Variants in FGD4 observed in about 807,000 individuals in gnomAD.
FGD4 encodes FYVE, RhoGEF and PH domain-containing protein 4.
In FGD4, 42 loss-of-function variants were observed where a neutral mutation model predicts 102.0. The observed-to-expected ratio is 0.41, with a 90% CI of 0.32 to 0.53. The LOEUF is 0.53. Among genes scored for constraint, FGD4 ranks in the 20% least tolerant of loss-of-function variants. FGD4 has a pLI of 0.21. For missense variants in FGD4, 902 were observed against 1,078.2 expected (o/e 0.84, Z 2.29); for synonymous variants, 380 against 375.7 (o/e 1.01, Z -0.13).
intron 1 of FGD4, among the ~76,000 whole-genome samples, chr12:32,541,392 G>A (rs1031415508): frequency 3.9e-5 from 6 of 152,170 alleles, no homozygotes; most frequent in Non-Finnish European, 7.3e-5. Context: ...TTTTGAGACA[G>A]AGTCTCACTC....
At chr12:32,530,676 A>T (rs554636599) in intron 1 of FGD4, among the ~76,000 whole-genome samples, 1 of 152,170 alleles carries the variant, frequency 6.6e-6, no homozygotes, top group African/African-American at 2.4e-5. Context: ...TTCAAGACTG[A>T]TATCTATGAC....
chr12:32,462,422 A>G (rs1943130158), intron 1 of FGD4, among the ~76,000 whole-genome samples: 1 of 152,096 alleles, frequency 6.6e-6, no homozygotes, highest in South Asian at 2.1e-4. Context: ...CAGCCTCCCA[A>G]AGTGCTGGGA....
chr12:32,580,960 T>G (rs556618981), intron 3 of FGD4, among the ~76,000 whole-genome samples: 1 of 152,140 alleles, frequency 6.6e-6, no homozygotes, highest in East Asian at 1.9e-4. Flanking sequence ...AGTTTCATTC[T>G]CCTATTAAGA....
At chr12:32,473,259 C>G (rs1322856763) in intron 1 of FGD4, among the ~76,000 whole-genome samples, 1 of 151,912 alleles carries the variant, frequency 6.6e-6, no homozygotes, top group African/African-American at 2.4e-5. Flanking sequence ...CTCGTGTCCC[C>G]TTCCACACTG....
At chr12:32,599,693 A>G (rs1244843853) in intron 5 of FGD4, among the ~76,000 whole-genome samples, 1 of 149,886 alleles carries the variant, frequency 6.7e-6, no homozygotes, top group African/African-American at 2.5e-5. Context: ...AATTACAGGC[A>G]TGCACCACCC....
chr12:32,447,259 A>G (rs951463089), intron 1 of FGD4, among the ~76,000 whole-genome samples: 1 of 152,194 alleles, frequency 6.6e-6, no homozygotes, highest in Non-Finnish European at 1.5e-5. Flanking sequence ...GGCTGAAAAT[A>G]AAACCCTTGC....
intron 1 of FGD4, among the ~76,000 whole-genome samples, chr12:32,535,672 G>T (rs1230866062): frequency 6.6e-6 from 1 of 151,902 alleles, no homozygotes; most frequent in East Asian, 1.9e-4. Context: ...CAAAAGGGAA[G>T]TGTTTTCTCA....
chr12:32,423,862 T>G (rs1213144261), intron 1 of FGD4, among the ~76,000 whole-genome samples: 1 of 96,008 alleles, frequency 1.0e-5, no homozygotes, highest in Non-Finnish European at 2.7e-5. Flanking sequence ...GGTGGGAGTG[T>G]TTTTTTTTTT....
intron 1 of FGD4, among the ~76,000 whole-genome samples, chr12:32,453,947 G>T (rs1008155283): frequency 6.6e-6 from 1 of 151,986 alleles, no homozygotes; most frequent in Admixed American, 6.6e-5. Flanking sequence ...TTCTCATCAA[G>T]AATAATTCCA....
rs140227421 is a variant in FGD4 at position 32,585,222 on chromosome 12, T to TTATATATA, written c.1011+2783_1011+2790dup. 2.9e-3 allele frequency among the ~76,000 whole-genome samples: 339 copies of TTATATATA among 116,086 alleles called. 1 individual carries two copies. The highest frequency in any genetic ancestry group is 9.4e-3 in the East Asian group (36 of 3,828). 76.2% of individuals were successfully genotyped at this position (116,086 alleles called of 152,430 possible). On this transcript the variant is annotated intron_variant, in intron 4 of 16. Coordinates refer to ENST00000534526, the MANE Select transcript of FGD4 (RefSeq NM_001370298.3). The stretch of plus-strand genomic sequence containing the variant: ...AGAGTGAGACCCTGTCTCAAAAATT[T>TTATATATA]TATATATATATATATATATATATAT...
chr12:32,480,659 G>C (rs543114080), intron 1 of FGD4, among the ~76,000 whole-genome samples: 93 of 150,128 alleles, frequency 6.2e-4, no homozygotes, highest in East Asian at 5.4e-3. Context: ...CACCACCATG[G>C]CCAGCTAATT....
intron 4 of FGD4, among the ~76,000 whole-genome samples, chr12:32,585,210 G>A (rs1946906930): frequency 8.2e-6 from 1 of 122,302 alleles, no homozygotes; most frequent in Non-Finnish European, 1.7e-5. Flanking sequence ...GTGAGACCCT[G>A]TCTCAAAAAT....
At chr12:32,449,366 C>A (rs1942707484) in intron 1 of FGD4, among the ~76,000 whole-genome samples, 1 of 152,230 alleles carries the variant, frequency 6.6e-6, no homozygotes, top group South Asian at 2.1e-4. Flanking sequence ...TTCAGGATTA[C>A]CCATTGCTTT....
At chr12:32,527,132 C>T (rs1047770640) in intron 1 of FGD4, among the ~76,000 whole-genome samples, 1 of 152,112 alleles carries the variant, frequency 6.6e-6, no homozygotes, top group Non-Finnish European at 1.5e-5. Context: ...ATCTGGTAGT[C>T]TATCCAAAAG....
At chr12:32,438,616 G>GTTTT (rs539998283) in intron 1 of FGD4, among the ~76,000 whole-genome samples, 57 of 146,558 alleles carry the variant, frequency 3.9e-4, no homozygotes, top group African/African-American at 1.4e-3. Flanking sequence ...GTTTGTGTGT[G>GTTTT]TTTTTTTTTT....
intron 8 of FGD4, 141 bp downstream of exon 8, chr12:32,608,236 T>A (rs1466003355): frequency 4.2e-6 from 5 of 1,185,258 alleles, no homozygotes; most frequent in Non-Finnish European, 4.8e-6. Flanking sequence ...GAAATTGTTA[T>A]CATCACTTCA....
intron 6 of FGD4, 86 bp downstream of exon 6, chr12:32,601,509 C>A: frequency 6.9e-7 from 1 of 1,459,070 alleles, no homozygotes. Flanking sequence ...ATGCCACACA[C>A]AACTGTAACT....
At chr12:32,635,484 A>G (rs867559409) in intron 15 of FGD4, among the ~76,000 whole-genome samples, 4 of 152,234 alleles carry the variant, frequency 2.6e-5, no homozygotes, top group Admixed American at 6.5e-5. Flanking sequence ...AAGTATGTAC[A>G]TGGACACATT....
chr12:32,521,711 G>A (rs17609576), intron 1 of FGD4, among the ~76,000 whole-genome samples: 7 of 152,128 alleles, frequency 4.6e-5, no homozygotes, highest in African/African-American at 1.7e-4. Context: ...TTTGCCATAG[G>A]TTACTCTAAT....
Sources: allele counts gnomAD v4.1 joint callset (sites outside exome capture counted in the v4.1 genomes callset), GRCh38; gene constraint gnomAD v4.1.1; transcripts MANE v1.5; gene names NCBI Gene and HGNC (gene_info 2026-07-23, HGNC 2026-07-21).